The following FYB1 variants were observed in gnomAD, a reference collection of about 807,000 sequenced individuals.
FYB1 encodes FYN binding protein 1, also known as FYN-binding protein 1.
In FYB1, 41 loss-of-function variants were observed where a neutral mutation model predicts 94.1. The ratio of observed to expected loss-of-function variants is 0.44; its 90% confidence interval spans 0.34 to 0.57. The LOEUF is 0.57. Among genes scored for constraint, FYB1 ranks in the 20% least tolerant of loss-of-function variants. The pLI is 0.02. For missense variants in FYB1, 1,050 were observed against 976.8 expected (o/e 1.07, Z -1.00); for synonymous variants, 367 against 353.2 (o/e 1.04, Z -0.44).
At chr5:39,207,316 C>G (rs1477183315) in intron 1 of FYB1, among the ~76,000 whole-genome samples, 1 of 152,188 alleles carries the variant, frequency 6.6e-6, no homozygotes, top group East Asian at 1.9e-4. Context: ...AGTAGAAAAT[C>G]TCTTCATAGA....
At chr5:39,230,533 ATGTATATATGTATAATATG>A (rs1750675903) in intron 1 of FYB1, among the ~76,000 whole-genome samples, 1 of 151,970 alleles carries the variant, frequency 6.6e-6, no homozygotes, top group African/African-American at 2.4e-5. Context: ...GCATATATAT[ATGTATATATGTATAATATG>A]TGTATATATA....
chr5:39,244,541 C>T (rs868322272), intron 1 of FYB1, among the ~76,000 whole-genome samples: 5 of 152,108 alleles, frequency 3.3e-5, no homozygotes, highest in African/African-American at 7.2e-5. Flanking sequence ...ATTTGGTTTG[C>T]CAGTATTTTA....
intron 1 of FYB1, among the ~76,000 whole-genome samples, chr5:39,261,604 A>T (rs1482256054): frequency 6.6e-6 from 1 of 152,050 alleles, no homozygotes; most frequent in Non-Finnish European, 1.5e-5. Context: ...AAGATTAGCC[A>T]AGTGTGGTGG....
At chr5:39,184,896 G>A (rs1233926678) in intron 2 of FYB1, among the ~76,000 whole-genome samples, 1 of 152,098 alleles carries the variant, frequency 6.6e-6, no homozygotes. Flanking sequence ...GAAATTATAT[G>A]TATTTTATAA....
intron 2 of FYB1, among the ~76,000 whole-genome samples, chr5:39,179,844 TCTC>T (rs1746059593): frequency 1.3e-5 from 2 of 152,078 alleles, no homozygotes; most frequent in Admixed American, 1.3e-4. Flanking sequence ...CCCTACCTCC[TCTC>T]CTCAACCTAT....
chr5:39,235,043 A>T (rs1750900511), intron 1 of FYB1, among the ~76,000 whole-genome samples: 1 of 106,356 alleles, frequency 9.4e-6, no homozygotes, highest in Admixed American at 1.2e-4. Flanking sequence ...GTATCCAAGA[A>T]CTTAAAGAAT....
chr5:39,170,236 G>T, intron 2 of FYB1: 1 of 952,034 alleles, frequency 1.1e-6, no homozygotes, highest in Non-Finnish European at 1.7e-6. Context: ...GATGTTGCTG[G>T]TGGTGGTGTC....
intron 2 of FYB1, among the ~76,000 whole-genome samples, chr5:39,192,341 T>A (rs1018757281): frequency 6.6e-6 from 1 of 152,250 alleles, no homozygotes; most frequent in Admixed American, 6.5e-5. Context: ...TTAGAGGTTA[T>A]ATAATTTTGA....
intron 1 of FYB1, among the ~76,000 whole-genome samples, chr5:39,270,324 C>G (rs1170962273): frequency 6.6e-6 from 1 of 152,114 alleles, no homozygotes; most frequent in Non-Finnish European, 1.5e-5. Context: ...TTTCTTTCTG[C>G]AAGACAGTGC....
At chr5:39,210,810 A>G (rs3866451) in intron 1 of FYB1, among the ~76,000 whole-genome samples, 96,444 of 152,032 alleles carry the variant, frequency 0.63, 35,130 homozygotes, top group Non-Finnish European at 0.82. Context: ...CAAGGGTTTG[A>G]GTTCATCCTA....
At chr5:39,220,731 T>C (rs1386908589), upstream of FYB1, among the ~76,000 whole-genome samples, 1 of 152,260 alleles carries the variant, frequency 6.6e-6, no homozygotes, top group Non-Finnish European at 1.5e-5. Flanking sequence ...ACAGACGTTA[T>C]GCCAGAGATG....
intron 2 of FYB1, among the ~76,000 whole-genome samples, chr5:39,176,183 C>T (rs1001572577): frequency 1.7e-5 from 2 of 116,640 alleles, no homozygotes; most frequent in Non-Finnish European, 3.3e-5. Context: ...CAGAGTCTCA[C>T]TCTGTCGCCC....
chr5:39,227,722 C>T (rs760340530), intron 1 of FYB1, among the ~76,000 whole-genome samples: 25 of 152,266 alleles, frequency 1.6e-4, no homozygotes, highest in Non-Finnish European at 3.2e-4. Flanking sequence ...TAATGGCTTC[C>T]GTCATTGAAG....
intron 1 of FYB1, among the ~76,000 whole-genome samples, chr5:39,251,510 A>C (rs1160872874): frequency 6.6e-6 from 1 of 152,186 alleles, no homozygotes; most frequent in Non-Finnish European, 1.5e-5. Context: ...TTGACCTTAA[A>C]GCCATCCTGA....
intron 9 of FYB1, 112 bp from the exon 10 acceptor site, chr5:39,130,724 A>C (rs993633412): frequency 1.9e-5 from 16 of 842,756 alleles, no homozygotes; most frequent in Non-Finnish European, 3.1e-5. Context: ...TCCAGTCGAA[A>C]GTTCTTAGAA....
intron 2 of FYB1, among the ~76,000 whole-genome samples, chr5:39,179,519 G>A (rs1401241044): frequency 6.6e-6 from 1 of 151,166 alleles, no homozygotes; most frequent in Non-Finnish European, 1.5e-5. Context: ...AGTCCACTTT[G>A]CTCCATTTCC....
intron 1 of FYB1, among the ~76,000 whole-genome samples, chr5:39,259,179 G>A (rs569717064): frequency 3.3e-5 from 5 of 152,308 alleles, no homozygotes; most frequent in African/African-American, 1.2e-4. Context: ...GACCAGAGAT[G>A]CTACTAAACA....
intron 9 of FYB1, among the ~76,000 whole-genome samples, chr5:39,134,007 G>A (rs182795072): frequency 6.6e-6 from 1 of 152,160 alleles, no homozygotes; most frequent in Admixed American, 6.6e-5. Context: ...ATTTCAAGTA[G>A]TATTTGATGC....
At chr5:39,209,943 A>G (rs532135429) in intron 1 of FYB1, among the ~76,000 whole-genome samples, 1 of 152,372 alleles carries the variant, frequency 6.6e-6, no homozygotes, top group African/African-American at 2.4e-5. Context: ...ATTTCATTGC[A>G]AATGGGCTGT....
Sources: allele counts gnomAD v4.1 joint callset (sites outside exome capture counted in the v4.1 genomes callset), GRCh38; gene constraint gnomAD v4.1.1; transcripts MANE v1.5; gene names NCBI Gene and HGNC (gene_info 2026-07-23, HGNC 2026-07-21).